Variants in WASHC4 observed in about 807,000 individuals in gnomAD.
The protein encoded by WASHC4 is WASH complex subunit 7.
WASHC4 carries 86 observed loss-of-function variants against 166.6 expected under a neutral mutation model. The observed-to-expected ratio is 0.52, with a 90% CI of 0.43 to 0.62. WASHC4 has a LOEUF of 0.62. Ranked by LOEUF, WASHC4 falls within the 20% of genes least tolerant of loss-of-function variation. The pLI, the probability that WASHC4 is intolerant of heterozygous loss-of-function variation, is 0.00. For missense variants in WASHC4, 1,262 were observed against 1,382.4 expected, an observed-to-expected ratio of 0.91 and a Z score of 1.38; for synonymous variants, 446 against 451.6, an observed-to-expected ratio of 0.99 and a Z score of 0.16.
intron 32 of WASHC4, among the ~76,000 whole-genome samples, chr12:105,165,994 T>C (rs1164509780): frequency 1.3e-5 from 2 of 152,216 alleles, no homozygotes; most frequent in Non-Finnish European, 2.9e-5. Context: ...GCTCATGTGT[T>C]TCATGATGCC....
Position 105,160,032 on chromosome 12 carries a change from C to G in WASHC4, c.2944C>G (p.Arg982Gly). Residue 982 changes from arginine (R) to glycine (G), a missense_variant, in exon 29 of 33, where the codon CGA becomes GGA. Coordinates refer to ENST00000332180, the MANE Select transcript of WASHC4 (RefSeq NM_015275.3). Reference sequence around the variant, plus strand: ...GGATTCAGTCCTCAGTGATCACACACGAAATTCTGCCGAAGGCACAGAATA... The same window carrying G: ...GGATTCAGTCCTCAGTGATCACACAGGAAATTCTGCCGAAGGCACAGAATA... Reference protein sequence around the residue: ...HLDSVLSDHTRNSAEGTEYFK... With the variant: ...HLDSVLSDHTGNSAEGTEYFK... 1 of 1,613,960 alleles carries G rather than the reference C, an allele frequency of 6.2e-7. No individual in the cohort carries two copies. The highest frequency in any genetic ancestry group is 8.5e-7 in the Non-Finnish European group (1 of 1,179,886).
chr12:105,164,330 C>T, intron 31 of WASHC4, 23 bp downstream of exon 31: 1 of 1,593,218 alleles, frequency 6.3e-7, no homozygotes, highest in Non-Finnish European at 8.6e-7. Flanking sequence ...CTAAGAGTCA[C>T]ATCTGCTTTG....
intron 7 of WASHC4, 142 bp from the exon 8 acceptor site, chr12:105,120,413 G>A (rs1161243848): frequency 8.3e-6 from 5 of 600,580 alleles, no homozygotes; most frequent in East Asian, 6.1e-5. Context: ...TGGACTTGAC[G>A]CTCTTAAATT....
In WASHC4 at chr12:105,149,078, G is replaced by A. The variant is rs967672003; in HGVS notation, c.2515-537G>A. Reference sequence around the variant, plus strand: ...TCACCTGTTCTAGAATATAAACTTCGTGAAGACAAGGACCATGTCTAGCAT... The same window carrying A: ...TCACCTGTTCTAGAATATAAACTTCATGAAGACAAGGACCATGTCTAGCAT... On this transcript the variant is annotated intron_variant, in intron 24 of 32. Transcript: ENST00000332180. 13 of 984,266 alleles carry A rather than the reference G, an allele frequency of 1.3e-5. No homozygotes were observed. The African/African-American group carries it at 1.6e-4, about 12-fold the overall frequency. The allele number at this position is 984,266 out of a possible 1,614,324, so 61.0% of individuals were successfully genotyped here.
chr12:105,134,426 A>G (rs1882130656), intron 14 of WASHC4, among the ~76,000 whole-genome samples: 1 of 152,106 alleles, frequency 6.6e-6, no homozygotes, highest in African/African-American at 2.4e-5. Context: ...TGGGTATTTC[A>G]GATACTGAGA....
In WASHC4 at chr12:105,127,151, C is replaced by T. The variant is rs1369405445; in HGVS notation, c.1061C>T (p.Ala354Val). Residue 354 changes from alanine (A) to valine (V), a missense_variant, in exon 13 of 33, where the codon GCT becomes GTT. Transcript: ENST00000332180. ...CKKVPAITLT[A>V]NIIWFPDNFL... ...CAGGTACCAGCCATCACTCTAACTG[C>T]TAATATTATTTGGTTTCCTGATAAT... 6.2e-7 allele frequency: 1 copy of T among 1,613,096 alleles called. No homozygotes were observed. Among genetic ancestry groups the T allele is most frequent in the South Asian group, 1.1e-5 (1 of 91,048 alleles).
rs1193639921 is a variant in WASHC4, at chr12:105,117,737, A to G, written c.436-709A>G. 3.9e-5 allele frequency among the ~76,000 whole-genome samples: 6 copies of G among 152,220 alleles called. No homozygotes were observed. The South Asian group carries it at 6.2e-4, about 16-fold the overall frequency. On this transcript the variant is annotated intron_variant, in intron 6 of 32. Transcript: ENST00000332180. ...AACACCAACAGAAATTCCTGTTCTC[A>G]TAGAGCTTAAAATTTAGATCAGCAT...
In WASHC4 at chr12:105,140,314, C is replaced by T. The variant is rs761181155; in HGVS notation, c.1473C>T (p.Tyr491=). 1.9e-6 allele frequency: 3 copies of T among 1,612,502 alleles called. No individual in the cohort carries two copies. The highest frequency in any genetic ancestry group is 4.5e-5 in the East Asian group (2 of 44,868). The change falls in exon 16 of 33, where the codon TAC becomes TAT. Residue 491 remains tyrosine (Y), a synonymous_variant. Coordinates refer to ENST00000332180, the MANE Select transcript of WASHC4 (RefSeq NM_015275.3). ...ELLKAIEHMF[Y]RRSMVVADSV... ...TTTAGGCAATAGAGCATATGTTCTA[C>T]AGGAGAAGCATGGTTGTGGCTGATT... is the stretch of plus-strand genomic sequence containing the variant.
In WASHC4 at chr12:105,144,793, G is replaced by T; in HGVS notation, c.2255G>T (p.Ser752Ile). ...GCCCTTCATGACTGGGCCACTTATA[G>T]TGAGATGAGAAACTTAGCTACTCAG... ...TVALHDWATY[S>I]EMRNLATQRY... Residue 752 changes from serine to isoleucine, a missense_variant, in exon 22 of 33, where the codon AGT (serine) becomes ATT (isoleucine). Physicochemically the swap from Ser to Ile is moderately radical, Grantham distance 142 (BLOSUM62 -2). Coordinates refer to ENST00000332180, the MANE Select transcript of WASHC4 (RefSeq NM_015275.3). 3 of 1,612,622 alleles carry T rather than the reference G, an allele frequency of 1.9e-6. No individual in the cohort carries two copies. The highest frequency in any genetic ancestry group is 2.5e-6 in the Non-Finnish European group (3 of 1,179,274).
In WASHC4 at chr12:105,152,448, A is replaced by C; in HGVS notation, c.2755A>C (p.Ile919Leu). ...TCAATTCAGGCAACTCATCAGCCAG[A>C]TTGGTAAGTTATGATAAAAGTGTTG... is the stretch of plus-strand genomic sequence containing the variant. The part of the protein sequence containing the change: ...LDQFRQLISQ[I>L]GNAMGYVRMI... Residue 919 changes from isoleucine (I) to leucine (L), a missense_variant, in exon 26 of 33, where the codon ATT (isoleucine) becomes CTT (leucine). Coordinates refer to ENST00000332180, the MANE Select transcript of WASHC4 (RefSeq NM_015275.3). 2 of 1,528,856 alleles carry C rather than the reference A, an allele frequency of 1.3e-6. No individual in the cohort carries two copies. Among genetic ancestry groups the C allele is most frequent in the Non-Finnish European group, 1.8e-6 (2 of 1,102,530 alleles). 94.7% of individuals were successfully genotyped at this position (1,528,856 alleles called of 1,614,324 possible).
intron 25 of WASHC4, 31 bp downstream of exon 25, chr12:105,149,780 A>C: frequency 1.9e-6 from 3 of 1,577,958 alleles, no homozygotes; most frequent in Non-Finnish European, 2.6e-6. Context: ...AAGGTATTTG[A>C]TTAAGCTATT....
intron 28 of WASHC4, among the ~76,000 whole-genome samples, chr12:105,158,015 G>A (rs1273659672): frequency 1.3e-5 from 2 of 152,132 alleles, no homozygotes. Context: ...CCCTGGGCAA[G>A]GGGGAGACAA....
intron 31 of WASHC4, 117 bp downstream of exon 31, chr12:105,164,424 T>A: frequency 1.1e-6 from 1 of 952,334 alleles, no homozygotes; most frequent in Non-Finnish European, 1.6e-6. Context: ...GTGAGATGAA[T>A]AGTGGCAAAA....
intron 22 of WASHC4, 108 bp downstream of exon 22, chr12:105,144,980 A>C: frequency 9.1e-7 from 1 of 1,096,156 alleles, no homozygotes; most frequent in East Asian, 2.4e-5. Context: ...CTTATTTTTT[A>C]AGAAATTATT....
intron 24 of WASHC4, chr12:105,147,905 CA>C (rs35835922): frequency 0.011 from 8,979 of 822,914 alleles, no homozygotes; most frequent in Middle Eastern, 0.017. Context: ...AACTCCATCT[CA>C]AAAAAAAAAA....
chr12:105,125,480 A>G (rs1049788443), intron 10 of WASHC4, among the ~76,000 whole-genome samples: 2 of 152,198 alleles, frequency 1.3e-5, no homozygotes, highest in East Asian at 1.9e-4. Flanking sequence ...CAAAAGTTAT[A>G]TGAAGATTTT....
chr12:105,148,486 T>C, intron 24 of WASHC4: 2 of 985,236 alleles, frequency 2.0e-6, no homozygotes, highest in Non-Finnish European at 2.4e-6. Context: ...CACTAATGAA[T>C]GTAGATTACT....
chr12:105,120,797 T>TA (rs1880665873), intron 8 of WASHC4, among the ~76,000 whole-genome samples, 200 bp downstream of exon 8: 1 of 152,186 alleles, frequency 6.6e-6, no homozygotes, highest in African/African-American at 2.4e-5. Context: ...CAGTGTAACT[T>TA]AGTTTTTCCC....
chr12:105,141,344 A>T (rs1176011749), intron 18 of WASHC4, 98 bp downstream of exon 18: 1 of 899,910 alleles, frequency 1.1e-6, no homozygotes, highest in Non-Finnish European at 1.9e-6. Flanking sequence ...TAAAATTCAG[A>T]TCGAGCATTA....
Sources: gnomAD v4.1 joint callset for allele counts (sites outside exome capture counted in the v4.1 genomes callset) on GRCh38, gnomAD v4.1.1 for gene constraint, MANE v1.5 for transcripts, NCBI Gene and HGNC (gene_info 2026-07-23, HGNC 2026-07-21) for gene names.